SPTBN1: variants seen among roughly 807,000 people sequenced by gnomAD.
SPTBN1 encodes spectrin beta chain, non-erythrocytic 1.
In SPTBN1, 32 loss-of-function variants were observed where a neutral mutation model predicts 266.4. The ratio of observed to expected loss-of-function variants is 0.12; its 90% CI spans 0.09 to 0.16. The LOEUF is 0.16. Ranked by LOEUF, SPTBN1 falls within the 10% of genes least tolerant of loss-of-function variation. The pLI, the probability that SPTBN1 is intolerant of heterozygous loss-of-function variation, is 1.00. For synonymous variants in SPTBN1, 1,336 were observed against 1,162.2 expected, an observed-to-expected ratio of 1.15 and a Z score of -3.04; for missense variants, 2,296 against 3,067.1, an observed-to-expected ratio of 0.75 and a Z score of 5.94.
intron 19 of SPTBN1, among the ~76,000 whole-genome samples, chr2:54,643,348 T>C (rs1679703383): frequency 6.6e-6 from 1 of 152,186 alleles, no homozygotes; most frequent in African/African-American, 2.4e-5. Flanking sequence ...AAATGCTTGA[T>C]TTATCGTAGA....
chr2:54,606,467 G>A (rs1021300094), intron 3 of SPTBN1, among the ~76,000 whole-genome samples: 2 of 152,142 alleles, frequency 1.3e-5, no homozygotes, highest in Admixed American at 6.5e-5. Context: ...TGCACGAACT[G>A]ACAAGAAATG....
At chr2:54,668,299 C>T in intron 35 of SPTBN1, 52 bp from the exon 36 acceptor site, 2 of 1,575,286 alleles carry the variant, frequency 1.3e-6, no homozygotes, top group South Asian at 1.1e-5. Context: ...GAGCCAGAAC[C>T]CCTCATGCCT....
chr2:54,582,613 C>T (rs1006451001), intron 2 of SPTBN1, among the ~76,000 whole-genome samples: 1 of 151,538 alleles, frequency 6.6e-6, no homozygotes, highest in African/African-American at 2.4e-5. Flanking sequence ...ATGAGGGCTT[C>T]TGCACTGAAT....
In SPTBN1 at chr2:54,563,122, A is replaced by G. The variant is rs1558843836; in HGVS notation, c.149-35970A>G. On this transcript the variant is annotated intron_variant, in intron 2 of 35. Coordinates refer to ENST00000356805, the MANE Select transcript of SPTBN1 (RefSeq NM_003128.3). ...CGGTGTTCTGTAACTTTCTCCTTTC[A>G]GACTTCTAGATGTTCATATTTATAT... is the stretch of plus-strand genomic sequence containing the variant. Among the ~76,000 whole-genome samples, 4 of 152,072 alleles carry G rather than the reference A, an allele frequency of 2.6e-5. No individual in the cohort carries two copies. The South Asian group carries it at 8.3e-4, about 32-fold the overall frequency.
rs766044753 is a variant in SPTBN1, at chr2:54,626,063, G to A, written c.1473G>A (p.Glu491=). Residue 491 remains glutamate, a synonymous_variant, in exon 12 of 36, where the codon GAG becomes GAA. Transcript: ENST00000356805. The surrounding 1 kb of genome is among the most constrained non-coding windows in gnomAD (Gnocchi z 4.7). ...VVAVARELEA[E]NYHDIKRITA... is the part of the protein sequence containing the mutation. ...CCGTGGCCAGGGAGCTCGAGGCCGA[G>A]AATTACCACGACATCAAGCGCATCA... is the stretch of plus-strand genomic sequence containing the variant. 1 of 1,614,184 alleles carries A rather than the reference G, an allele frequency of 6.2e-7. No homozygotes were observed. Among genetic ancestry groups the A allele is most frequent in the South Asian group, 1.1e-5 (1 of 91,082 alleles).
chr2:54,480,664 A>G (rs1668048111), intron 1 of SPTBN1, among the ~76,000 whole-genome samples: 1 of 152,112 alleles, frequency 6.6e-6, no homozygotes, highest in South Asian at 2.1e-4. Flanking sequence ...CATGTTGTCT[A>G]CCCTCCATTG....
chr2:54,622,387 A>G lies in SPTBN1; in HGVS notation c.964A>G (p.Ile322Val), dbSNP rs562007421. 8 of 1,614,244 alleles carry G rather than the reference A, an allele frequency of 5.0e-6. No individual in the cohort carries two copies. The highest frequency in any genetic ancestry group is 1.3e-5 in the African/African-American group (1 of 75,060). ...CCTTCTGGAATGGATTGAACAAACC[A>G]TCATCATTCTGAACAATCGCAAATT... is the stretch of plus-strand genomic sequence containing the variant. ...SDLLEWIEQT[I>V]IILNNRKFAN... Residue 322 changes from isoleucine (I) to valine (V), a missense_variant, in exon 9 of 36, where the codon ATC becomes GTC. This residue lies in a region of SPTBN1 where 148 missense variants were observed against 203.8 expected (regional missense o/e 0.73). Transcript: ENST00000356805.
At chr2:54,582,563 CAAAA>C (rs1208471911) in intron 2 of SPTBN1, among the ~76,000 whole-genome samples, 3 of 76,446 alleles carry the variant, frequency 3.9e-5, no homozygotes, top group Non-Finnish European at 2.8e-5. Flanking sequence ...GACTCCGTCT[CAAAA>C]AAAAAAAAAA....
At chr2:54,521,176 T>G (rs1670415799) in intron 1 of SPTBN1, among the ~76,000 whole-genome samples, 2 of 152,190 alleles carry the variant, frequency 1.3e-5, no homozygotes, top group African/African-American at 4.8e-5. Context: ...GGTTAGAGGA[T>G]GATGATGTTT....
rs114940283 is a variant in SPTBN1, at chr2:54,559,287, C to T, written c.148+32721C>T. On this transcript the variant is annotated intron_variant, in intron 2 of 35. Coordinates refer to ENST00000356805, the MANE Select transcript of SPTBN1 (RefSeq NM_003128.3). ...AGCTTTAAAGGTGTAAAGTGCCGTG[C>T]TCAGACCCAGTCCTGTAGAACAATA... Among the ~76,000 whole-genome samples, 561 of 152,274 alleles carry T rather than the reference C, an allele frequency of 3.7e-3. 5 individuals are homozygous for T. The highest frequency in any genetic ancestry group is 0.012 in the African/African-American group (516 of 41,526).
In SPTBN1 at chr2:54,533,874, G is replaced by A. The variant is rs928576944; in HGVS notation, c.148+7308G>A. Among the ~76,000 whole-genome samples the A allele has an allele frequency of 6.7e-6, 1 of 150,318 alleles. No homozygotes were observed. The highest frequency in any genetic ancestry group is 2.5e-5 in the African/African-American group (1 of 40,602). ...CCTGCTGTAGTAATTTAGGGGGAAA[G>A]ATTGATCTCTCTCTCTGTCTCTCTC... On this transcript the variant is annotated intron_variant, in intron 2 of 35. Coordinates refer to ENST00000356805, the MANE Select transcript of SPTBN1 (RefSeq NM_003128.3). The surrounding 1 kb of genome is among the most constrained non-coding windows in gnomAD (Gnocchi z 4.2).
At chr2:54,474,254 C>G (rs1230522608) in intron 1 of SPTBN1, among the ~76,000 whole-genome samples, 2 of 152,170 alleles carry the variant, frequency 1.3e-5, no homozygotes, top group African/African-American at 4.8e-5. Flanking sequence ...ATAAAGATGT[C>G]TATTGTAACA....
intron 2 of SPTBN1, among the ~76,000 whole-genome samples, chr2:54,583,206 T>C (rs1230654375): frequency 3.3e-5 from 5 of 152,036 alleles, no homozygotes; most frequent in Non-Finnish European, 7.4e-5. Flanking sequence ...TCACCTCTGG[T>C]CAGTTGGTCC....
At chr2:54,654,971 A>C in intron 27 of SPTBN1, 99 bp from the exon 28 acceptor site, 1 of 655,708 alleles carries the variant, frequency 1.5e-6, no homozygotes, top group Admixed American at 6.6e-5. Context: ...GTTTCTTTCA[A>C]GGCCATCAGT....
intron 1 of SPTBN1, among the ~76,000 whole-genome samples, chr2:54,522,697 G>GAGAGAGAAAGAGAA (rs1553439438): frequency 1.0e-5 from 1 of 97,268 alleles, no homozygotes; most frequent in Admixed American, 1.1e-4. Flanking sequence ...GAGAGAGAGA[G>GAGAGAGAAAGAGAA]AGAAAGAAAG....
At chr2:54,636,950 G>T (rs1291786412) in intron 17 of SPTBN1, among the ~76,000 whole-genome samples, 1 of 152,212 alleles carries the variant, frequency 6.6e-6, no homozygotes, top group East Asian at 1.9e-4. Context: ...CATTCACGCT[G>T]CTATTTCTCA....
intron 5 of SPTBN1, 126 bp from the exon 6 acceptor site, chr2:54,617,482 T>C (rs1196617573): frequency 2.8e-6 from 2 of 726,954 alleles, no homozygotes; most frequent in Non-Finnish European, 4.6e-6. Context: ...TTGATTGTCC[T>C]TAGTGATATT....
intron 2 of SPTBN1, among the ~76,000 whole-genome samples, chr2:54,542,345 A>G (rs1038402946): frequency 6.6e-6 from 1 of 152,282 alleles, no homozygotes; most frequent in African/African-American, 2.4e-5. Flanking sequence ...AAGGAGCTCA[A>G]GGCAGGACTA....
rs1558802383 is a variant in SPTBN1, at chr2:54,522,656, GAAAGA to G, written c.-47-3715_-47-3711del. ...AAAAAGAAAGAAAGAAAGAGAGAGA[GAAAGA>G]GAGAGAGAGAGAGAGAGGAGAGAGA... On this transcript the variant is annotated intron_variant, in intron 1 of 35. Transcript: ENST00000356805. 4.2e-4 allele frequency among the ~76,000 whole-genome samples: 42 copies of G among 99,118 alleles called. 1 individual carries two copies. The South Asian group carries it at 7.5e-3, about 18-fold the overall frequency. 65.0% of individuals were successfully genotyped at this position (99,118 alleles called of 152,430 possible).
Sources: allele counts gnomAD v4.1 joint callset (sites outside exome capture counted in the v4.1 genomes callset), GRCh38; gene constraint gnomAD v4.1.1; regional missense constraint gnomAD v4.1.1; non-coding constraint Gnocchi (gnomAD v3.1); transcripts MANE v1.5; gene names NCBI Gene and HGNC (gene_info 2026-07-23, HGNC 2026-07-21).